ADAM22: variants seen among roughly 807,000 people sequenced by gnomAD.
The protein encoded by ADAM22 is ADAM metallopeptidase domain 22.
A neutral mutation model predicts 144.6 loss-of-function variants in ADAM22; 65 were observed. The observed-to-expected ratio is 0.45, with a 90% confidence interval of 0.37 to 0.55. The LOEUF (loss-of-function observed/expected upper bound fraction) is 0.55. Among genes scored for constraint, ADAM22 ranks in the 20% least tolerant of loss-of-function variants. ADAM22 has a pLI of 0.00. For synonymous variants in ADAM22, 391 were observed against 412.6 expected (o/e 0.95, Z 0.63); for missense variants, 974 against 1,184.9 (o/e 0.82, Z 2.61).
At chr7:88,097,734 C>G (rs1170475564) in intron 4 of ADAM22, among the ~76,000 whole-genome samples, 1 of 151,936 alleles carries the variant, frequency 6.6e-6, no homozygotes, top group African/African-American at 2.4e-5. Flanking sequence ...CAACAATCAT[C>G]TAGTCAGTTA....
intron 3 of ADAM22, among the ~76,000 whole-genome samples, chr7:88,011,714 TTCTCTC>T (rs139701122): frequency 1.3e-5 from 2 of 148,638 alleles, no homozygotes; most frequent in Non-Finnish European, 3.0e-5. Context: ...TTCTTTCTCT[TTCTCTC>T]TCTCTCTCTC....
At chr7:88,074,374 G>A (rs1813636783) in intron 3 of ADAM22, among the ~76,000 whole-genome samples, 1 of 152,022 alleles carries the variant, frequency 6.6e-6, no homozygotes, top group Admixed American at 6.6e-5. Context: ...TGTGAATTCT[G>A]TTCATGTCTT....
At chr7:88,171,344 C>G (rs987319927) in intron 25 of ADAM22, among the ~76,000 whole-genome samples, 200 bp from the exon 26 acceptor site, 1 of 151,902 alleles carries the variant, frequency 6.6e-6, no homozygotes, top group Admixed American at 6.6e-5. Context: ...AATATTGTCA[C>G]TGACTCTTTG....
At chr7:88,151,832 G>A (rs1439402616) in intron 20 of ADAM22, among the ~76,000 whole-genome samples, 1 of 152,140 alleles carries the variant, frequency 6.6e-6, no homozygotes, top group African/African-American at 2.4e-5. Flanking sequence ...GTATCAGAAA[G>A]AAATGTTAAT....
chr7:88,100,381 A>G (rs1822582387), intron 4 of ADAM22, among the ~76,000 whole-genome samples: 1 of 152,196 alleles, frequency 6.6e-6, no homozygotes, highest in South Asian at 2.1e-4. Flanking sequence ...GATTATTGGC[A>G]TTTGGGAACC....
intron 2 of ADAM22, among the ~76,000 whole-genome samples, chr7:87,955,736 C>T (rs1187943951): frequency 6.6e-6 from 1 of 152,226 alleles, no homozygotes; most frequent in Non-Finnish European, 1.5e-5. Context: ...AGAGGTGTAG[C>T]CTACAGAGGC....
chr7:88,083,794 C>T (rs1183287287), intron 4 of ADAM22, among the ~76,000 whole-genome samples: 1 of 151,892 alleles, frequency 6.6e-6, no homozygotes, highest in Non-Finnish European at 1.5e-5. Flanking sequence ...GAAAGTTATT[C>T]GGAACTGAAG....
intron 3 of ADAM22, among the ~76,000 whole-genome samples, chr7:87,994,735 A>G (rs887775924): frequency 2.6e-5 from 4 of 152,218 alleles, no homozygotes; most frequent in African/African-American, 7.2e-5. Flanking sequence ...TTGCATTTAA[A>G]GTGTGTAATC....
chr7:88,170,246 G>A (rs1460184708), intron 25 of ADAM22, among the ~76,000 whole-genome samples: 1 of 151,854 alleles, frequency 6.6e-6, no homozygotes, highest in African/African-American at 2.4e-5. Flanking sequence ...AAGTTTTAAT[G>A]TTTCTAAAAT....
chr7:88,148,257 A>G (rs997220739), intron 17 of ADAM22, among the ~76,000 whole-genome samples: 17 of 152,142 alleles, frequency 1.1e-4, no homozygotes, highest in Non-Finnish European at 2.5e-4. Flanking sequence ...GATAGAGAAA[A>G]AGAGAAGGAT....
chr7:88,022,927 A>T (rs1000995371), intron 3 of ADAM22, among the ~76,000 whole-genome samples: 1 of 152,242 alleles, frequency 6.6e-6, no homozygotes, highest in Admixed American at 6.5e-5. Flanking sequence ...TATTGAAACT[A>T]TTAGTGGAGC....
chr7:87,978,621 G>T (rs1852489343), intron 3 of ADAM22, among the ~76,000 whole-genome samples: 1 of 152,188 alleles, frequency 6.6e-6, no homozygotes, highest in Admixed American at 6.5e-5. Context: ...CTATAATAGA[G>T]TTAAGAATGT....
intron 2 of ADAM22, among the ~76,000 whole-genome samples, chr7:87,971,099 T>G (rs536005845): frequency 6.6e-6 from 1 of 152,308 alleles, no homozygotes; most frequent in South Asian, 2.1e-4. Flanking sequence ...ACTCTGAGTT[T>G]GTAAGGTTGT....
intron 3 of ADAM22, among the ~76,000 whole-genome samples, chr7:88,026,938 G>T (rs1799155092): frequency 6.6e-6 from 1 of 152,046 alleles, no homozygotes; most frequent in Non-Finnish European, 1.5e-5. Context: ...GTCATGAAAG[G>T]GTGTTGAATT....
Position 88,151,038 on chromosome 7 carries a change from C to G in ADAM22, c.1617+7C>G, listed in dbSNP as rs759656240. On this transcript the variant is annotated splice_region_variant and intron_variant, in intron 19 of 31. Coordinates refer to ENST00000413139, the MANE Select transcript of ADAM22 (RefSeq NM_001324418.2). ...TTCATGTGATGGTGTTCAGGTAGGT[C>G]ACTTCATTTTTACCTATGTTTTTCA... The G allele has an allele frequency of 2.5e-6, 4 of 1,612,694 alleles. No homozygotes were observed. The highest frequency in any genetic ancestry group is 3.4e-6 in the Non-Finnish European group (4 of 1,179,004).
At chr7:88,067,546 G>A (rs774754771) in intron 3 of ADAM22, among the ~76,000 whole-genome samples, 4 of 151,966 alleles carry the variant, frequency 2.6e-5, no homozygotes, top group African/African-American at 4.8e-5. Context: ...TTCATGTCTT[G>A]GTAACTTTTC....
In ADAM22 at chr7:88,198,425, C is replaced by T. The variant is rs1850901918; in HGVS notation, c.*1934C>T. 6.6e-6 allele frequency: 1 copy of T among 152,172 alleles called. No individual in the cohort carries two copies. The highest frequency in any genetic ancestry group is 2.4e-5 in the African/African-American group (1 of 41,440). 9.4% of individuals were successfully genotyped at this position (152,172 alleles called of 1,614,324 possible). A position where few individuals can be genotyped will look rare whatever the true frequency, so the allele number is the denominator to read the frequency against. On this transcript the variant is annotated 3_prime_UTR_variant, in exon 32 of 32. Coordinates refer to ENST00000413139, the MANE Select transcript of ADAM22 (RefSeq NM_001324418.2). ...TTGATATGACCATAAAGCGATCCAT[C>T]AGGCCAAGGTTTGGGTGAGTGTTGG...
intron 3 of ADAM22, among the ~76,000 whole-genome samples, chr7:88,069,654 C>G (rs1812221741): frequency 6.6e-6 from 1 of 152,166 alleles, no homozygotes; most frequent in Non-Finnish European, 1.5e-5. Context: ...ATTATAGTAT[C>G]AGGCTCAAAT....
intron 3 of ADAM22, among the ~76,000 whole-genome samples, chr7:88,027,553 G>T (rs1799274917): frequency 6.6e-6 from 1 of 151,966 alleles, no homozygotes; most frequent in Non-Finnish European, 1.5e-5. Context: ...ATTATCCTTT[G>T]AATTTCTGCA....
Sources: gnomAD v4.1 joint callset for allele counts (sites outside exome capture counted in the v4.1 genomes callset) on GRCh38, gnomAD v4.1.1 for gene constraint, MANE v1.5 for transcripts, NCBI Gene and HGNC (gene_info 2026-07-23, HGNC 2026-07-21) for gene names.